Variants in FSTL4 observed in about 807,000 individuals in gnomAD.
The protein encoded by FSTL4 is follistatin-related protein 4.
Under a neutral mutation model 78.2 loss-of-function variants are expected in FSTL4, and 28 were observed. The ratio of observed to expected loss-of-function variants is 0.36; its 90% CI spans 0.27 to 0.49. The LOEUF (loss-of-function observed/expected upper bound fraction) is 0.49, where lower values mean the gene tolerates loss of function less well. FSTL4 is among the 20% of genes least tolerant of loss of function. The pLI is 0.98. For synonymous variants in FSTL4, 422 were observed against 440.5 expected, an observed-to-expected ratio of 0.96 and a Z score of 0.53; for missense variants, 922 against 1,084.9, an observed-to-expected ratio of 0.85 and a Z score of 2.11.
At chr5:133,652,952 AC>A in the FSTL4 span, among the ~76,000 whole-genome samples, 1 of 152,180 alleles carries the variant, frequency 6.6e-6, no homozygotes, top group African/African-American at 2.4e-5. Context: ...AAAATTATCC[AC>A]AGACTGAGAT....
At chr5:133,840,531 C>A in the FSTL4 span, among the ~76,000 whole-genome samples, 1 of 152,350 alleles carries the variant, frequency 6.6e-6, no homozygotes, top group Non-Finnish European at 1.5e-5. Context: ...GCACAATTAA[C>A]CTCTGAAGGT....
chr5:133,352,822 T>C (rs920895028), intron 4 of FSTL4, among the ~76,000 whole-genome samples: 4 of 152,236 alleles, frequency 2.6e-5, no homozygotes, highest in Non-Finnish European at 5.9e-5. Flanking sequence ...ATGGTGTGTA[T>C]GTACCACATT....
chr5:133,660,361 G>T, the FSTL4 span, among the ~76,000 whole-genome samples: 1 of 152,136 alleles, frequency 6.6e-6, no homozygotes, highest in East Asian at 1.9e-4. Flanking sequence ...CCGGTCCATG[G>T]GAATTAGGGA....
At chr5:133,214,452 G>C (rs1316223092) in intron 13 of FSTL4, among the ~76,000 whole-genome samples, 1 of 152,188 alleles carries the variant, frequency 6.6e-6, no homozygotes, top group African/African-American at 2.4e-5. Flanking sequence ...TGGGGAAACT[G>C]AGCATTGTTG....
chr5:133,210,329 G>T, intron 13 of FSTL4, 31 bp from the exon 14 acceptor site: 1 of 1,267,888 alleles, frequency 7.9e-7, no homozygotes, highest in Non-Finnish European at 1.2e-6. Flanking sequence ...TGTTGTGAAA[G>T]CTGACATGAT....
At chr5:133,240,520 G>A (rs965086516) in intron 7 of FSTL4, among the ~76,000 whole-genome samples, 1 of 152,182 alleles carries the variant, frequency 6.6e-6, no homozygotes, top group African/African-American at 2.4e-5. Context: ...GGGAGTTGGA[G>A]GCATGAGAGA....
At chr5:133,448,221 G>A (rs1178219006) in intron 3 of FSTL4, among the ~76,000 whole-genome samples, 1 of 152,198 alleles carries the variant, frequency 6.6e-6, no homozygotes, top group Admixed American at 6.5e-5. Context: ...CTGCCCTGCC[G>A]AATGGTTTCT....
Position 133,601,808 on chromosome 5 carries a change from C to T in FSTL4, c.126+2050G>A, listed in dbSNP as rs1343642499. On this transcript the variant is annotated intron_variant, in intron 2 of 15. Transcript: ENST00000265342. ...AGGTGGTACTGCCACCTCAGCCTCT[C>T]GAGTAGCTGGGACTACAGGAGTGCA... Among the ~76,000 whole-genome samples the T allele has an allele frequency of 5.3e-5, 8 of 151,842 alleles. 1 individual carries two copies. In the South Asian group the frequency reaches 1.5e-3, roughly 28 times the overall value.
the FSTL4 span, among the ~76,000 whole-genome samples, chr5:133,730,806 T>C: frequency 2.6e-5 from 4 of 152,210 alleles, no homozygotes; most frequent in African/African-American, 9.7e-5. Flanking sequence ...GTCTGGCTTC[T>C]GGAGCAATTA....
chr5:133,756,867 C>T, the FSTL4 span, among the ~76,000 whole-genome samples: 1 of 152,118 alleles, frequency 6.6e-6, no homozygotes, highest in East Asian at 1.9e-4. Context: ...GATAATGCCT[C>T]CTCCAGCTGC....
intron 4 of FSTL4, among the ~76,000 whole-genome samples, chr5:133,342,149 G>A (rs1424244882): frequency 6.6e-6 from 1 of 152,194 alleles, no homozygotes; most frequent in East Asian, 1.9e-4. Context: ...ACAGGAGGGG[G>A]CACTGAAGGT....
rs60876414 is a variant in FSTL4, at chr5:133,379,366, A to C, written c.409+21372T>G. Among the ~76,000 whole-genome samples, 1,087 of 152,258 alleles carry C rather than the reference A, an allele frequency of 7.1e-3. 14 individuals are homozygous for C. The highest frequency in any genetic ancestry group is 0.024 in the African/African-American group (1,007 of 41,534). ...AGAACAACTAGGAAGATCAACAAGAAAATAAAAGACTGACAAAACTATGAT... is the reference window on the plus strand; with the variant it reads ...AGAACAACTAGGAAGATCAACAAGACAATAAAAGACTGACAAAACTATGAT... On this transcript the variant is annotated intron_variant, in intron 4 of 15. Transcript: ENST00000265342.
At chr5:133,397,257 C>T (rs180795965) in intron 4 of FSTL4, among the ~76,000 whole-genome samples, 46 of 152,302 alleles carry the variant, frequency 3.0e-4, no homozygotes, top group African/African-American at 1.0e-3. Context: ...CAGTGAAATC[C>T]ACCCAATATC....
chr5:133,676,058 G>T, the FSTL4 span, among the ~76,000 whole-genome samples: 2 of 152,170 alleles, frequency 1.3e-5, no homozygotes, highest in Non-Finnish European at 2.9e-5. Flanking sequence ...ACCCTCAGAC[G>T]TATGAATGAA....
At chr5:133,591,646 CT>C (rs1760629363) in intron 2 of FSTL4, among the ~76,000 whole-genome samples, 1 of 152,134 alleles carries the variant, frequency 6.6e-6, no homozygotes, top group South Asian at 2.1e-4. Context: ...CAATAAGGCT[CT>C]GCCCCTTGAG....
the FSTL4 span, among the ~76,000 whole-genome samples, chr5:133,708,832 G>T: frequency 6.6e-6 from 1 of 152,326 alleles, no homozygotes; most frequent in East Asian, 1.9e-4. Context: ...ATGGGGTTGG[G>T]AGAGAAACAT....
Position 133,478,515 on chromosome 5 carries a change from T to G in FSTL4, c.161-77529A>C, listed in dbSNP as rs140388829. 3.2e-4 allele frequency among the ~76,000 whole-genome samples: 49 copies of G among 152,340 alleles called. No individual in the cohort carries two copies. In the East Asian group the frequency reaches 9.1e-3, roughly 28 times the overall value. ...AGTTGTTAGAATGCATTCCCCATAT[T>G]ACAGGCTTGCAAATTTAATCTTAAT... On this transcript the variant is annotated intron_variant, in intron 3 of 15. Transcript: ENST00000265342.
intron 3 of FSTL4, among the ~76,000 whole-genome samples, chr5:133,517,439 A>ATATATATATAT (rs1221892095): frequency 7.5e-4 from 24 of 32,088 alleles, no homozygotes; most frequent in African/African-American, 2.9e-3. Flanking sequence ...AAAAAAAAAA[A>ATATATATATAT]AAAAAAAAAT....
chr5:133,421,484 G>A (rs1210916063), intron 3 of FSTL4, among the ~76,000 whole-genome samples: 2 of 151,882 alleles, frequency 1.3e-5, no homozygotes, highest in Admixed American at 6.6e-5. Context: ...TCCCAGGCCC[G>A]ACAGCTGAGC....
Sources: gnomAD v4.1 joint callset for allele counts (sites outside exome capture counted in the v4.1 genomes callset) on GRCh38, gnomAD v4.1.1 for gene constraint, MANE v1.5 for transcripts, NCBI Gene and HGNC (gene_info 2026-07-23, HGNC 2026-07-21) for gene names.